Variants in COBLL1 observed in about 807,000 individuals in gnomAD.
COBLL1 encodes cordon-bleu WH2 repeat protein like 1, also known as cordon-bleu protein-like 1.
Under a neutral mutation model 94.8 loss-of-function variants are expected in COBLL1, and 50 were observed. The ratio of observed to expected loss-of-function variants is 0.53; its 90% CI spans 0.42 to 0.67. The LOEUF is 0.67. COBLL1 is among the 30% of genes least tolerant of loss of function. The pLI, the probability that COBLL1 is intolerant of heterozygous loss-of-function variation, is 0.00. For synonymous variants in COBLL1, 448 were observed against 473.8 expected, an observed-to-expected ratio of 0.95 and a Z score of 0.71; for missense variants, 1,362 against 1,348.7, an observed-to-expected ratio of 1.01 and a Z score of -0.15.
intron 2 of COBLL1, among the ~76,000 whole-genome samples, chr2:164,804,546 G>T (rs1384070228): frequency 6.6e-6 from 1 of 151,842 alleles, no homozygotes; most frequent in African/African-American, 2.4e-5. Context: ...TGCTTTTGGG[G>T]GCTCAATTCT....
intron 5 of COBLL1, chr2:164,723,053 C>T (rs1160823310): frequency 6.6e-6 from 1 of 152,112 alleles, no homozygotes; most frequent in Non-Finnish European, 1.5e-5. Flanking sequence ...CCAATTTTGT[C>T]CCCCAGAGGA....
At chr2:164,768,500 G>A (rs949371693) in intron 2 of COBLL1, among the ~76,000 whole-genome samples, 6 of 151,758 alleles carry the variant, frequency 4.0e-5, no homozygotes, top group African/African-American at 1.5e-4. Context: ...TGTGGCCCAC[G>A]AAAGCCAAAA....
At chr2:164,810,888 A>T (rs1684427629) in intron 2 of COBLL1, among the ~76,000 whole-genome samples, 1 of 151,996 alleles carries the variant, frequency 6.6e-6, no homozygotes, top group African/African-American at 2.4e-5. Context: ...TTGAACAGAA[A>T]TTGCTTAACT....
chr2:164,805,319 C>CTATA (rs1684048026), intron 2 of COBLL1, among the ~76,000 whole-genome samples: 2 of 35,958 alleles, frequency 5.6e-5, no homozygotes, highest in African/African-American at 1.1e-4. Flanking sequence ...CTCTCTCTCT[C>CTATA]TCTCTCTCTC....
At chr2:164,785,289 C>T (rs547104274) in intron 2 of COBLL1, among the ~76,000 whole-genome samples, 4 of 152,052 alleles carry the variant, frequency 2.6e-5, no homozygotes, top group African/African-American at 7.2e-5. Context: ...CTGGGGAGGC[C>T]GAGGCACAAG....
At chr2:164,706,565 CATG>C (rs1399370105) in intron 7 of COBLL1, among the ~76,000 whole-genome samples, 3 of 152,220 alleles carry the variant, frequency 2.0e-5, no homozygotes, top group Non-Finnish European at 4.4e-5. Flanking sequence ...AAACTGAGAT[CATG>C]ATGATTCCTC....
intron 2 of COBLL1, among the ~76,000 whole-genome samples, chr2:164,811,163 T>A (rs1684438575): frequency 1.3e-5 from 2 of 151,922 alleles, no homozygotes; most frequent in South Asian, 4.1e-4. Flanking sequence ...AAGACACACC[T>A]TAAAACTATT....
rs201428424 is a variant in COBLL1, at chr2:164,695,039, T to G, written c.2353A>C (p.Ile785Leu). The change falls in exon 12 of 14, where the codon ATT (isoleucine) becomes CTT (leucine). Residue 785 changes from isoleucine to leucine, a missense_variant. Transcript: ENST00000652658. ...ETAIQTEDSAISESPEEPLPN... is the reference protein window; with the variant it reads ...ETAIQTEDSALSESPEEPLPN... ...AGTGGCTCTTCTGGGCTTTCAGAAA[T>G]AGCAGAATCTTCTGTTTGGATGGCA... The G allele has an allele frequency of 1.2e-6, 2 of 1,613,890 alleles. No individual in the cohort carries two copies. The highest frequency in any genetic ancestry group is 4.5e-5 in the East Asian group (2 of 44,864).
chr2:164,691,200 G>A (rs1004871882), intron 13 of COBLL1, among the ~76,000 whole-genome samples: 3 of 152,072 alleles, frequency 2.0e-5, no homozygotes, highest in Non-Finnish European at 4.4e-5. Context: ...ACACACCAAG[G>A]AAGTTGGCTT....
rs1310101990 is a variant in COBLL1 at position 164,700,577 on chromosome 2, C to T, written c.1405G>A (p.Glu469Lys). Residue 469 changes from glutamate to lysine, a missense_variant, in exon 10 of 14, where the codon GAG becomes AAG. Coordinates refer to ENST00000652658, the MANE Select transcript of COBLL1 (RefSeq NM_001365672.2). ...TCTTCCATGGAGTTTTGTGAGAACT[C>T]TCCACTACCATTGCCAAGGGCTGAG... is the stretch of plus-strand genomic sequence containing the variant. ...PDSALGNGSG[E>K]FSQNSMEEKQ... 6.2e-7 allele frequency: 1 copy of T among 1,613,878 alleles called. No individual in the cohort carries two copies. The highest frequency in any genetic ancestry group is 8.5e-7 in the Non-Finnish European group (1 of 1,179,852).
At chr2:164,718,320 CT>C in intron 7 of COBLL1, 1 of 842,886 alleles carries the variant, frequency 1.2e-6, no homozygotes, top group Non-Finnish European at 1.4e-6. Flanking sequence ...TAAAGTTTAT[CT>C]TTAGAGGATG....
At chr2:164,680,149 T>A (rs1365021571), downstream of COBLL1, 1 of 152,018 alleles carries the variant, frequency 6.6e-6, no homozygotes, top group Non-Finnish European at 1.5e-5. Flanking sequence ...AAATTAAATG[T>A]CTTTATCCAT....
intron 7 of COBLL1, among the ~76,000 whole-genome samples, chr2:164,710,560 AG>A (rs890353867): frequency 1.5e-5 from 2 of 129,960 alleles, no homozygotes; most frequent in Non-Finnish European, 3.2e-5. Context: ...CCTAAGCAGC[AG>A]CATTCTTTTT....
In COBLL1 at chr2:164,694,269, C is replaced by A; in HGVS notation, c.3123G>T (p.Lys1041Asn). Reference sequence around the variant, plus strand: ...TTATTTTTAAAAAGGCTACAGTTACCTTATCAGACACACCAAGCTGTGGGA... The same window carrying A: ...TTATTTTTAAAAAGGCTACAGTTACATTATCAGACACACCAAGCTGTGGGA... ...VDIPQLGVSD[K>N]ENNSAHNEQN... is the part of the protein sequence containing the mutation. The change falls in exon 12 of 14, where the codon AAG becomes AAT. Residue 1041 changes from lysine (K) to asparagine (N), a missense_variant and splice_region_variant. By Grantham distance (94) the Lys-to-Asn change is moderately conservative. Coordinates refer to ENST00000652658, the MANE Select transcript of COBLL1 (RefSeq NM_001365672.2). 6.2e-7 allele frequency: 1 copy of A among 1,611,056 alleles called. No individual in the cohort carries two copies. Among genetic ancestry groups the A allele is most frequent in the Non-Finnish European group, 8.5e-7 (1 of 1,178,556 alleles).
intron 2 of COBLL1, among the ~76,000 whole-genome samples, chr2:164,773,280 A>G (rs948908751): frequency 1.3e-5 from 2 of 152,142 alleles, no homozygotes; most frequent in Admixed American, 6.6e-5. Flanking sequence ...TAGCGTGATT[A>G]TCATATTGTT....
Position 164,680,246 on chromosome 2 carries a change from G to T in COBLL1, c.*5700C>A, listed in dbSNP as rs888758847. ...ATTATAATTTCAAACATGCAGACAA[G>T]TTAAAAATCATGTACAATATAACCC... is the stretch of plus-strand genomic sequence containing the variant. On this transcript the variant is annotated 3_prime_UTR_variant, in exon 14 of 14. Coordinates refer to ENST00000652658, the MANE Select transcript of COBLL1 (RefSeq NM_001365672.2). The T allele has an allele frequency of 6.6e-6, 1 of 151,976 alleles. No individual in the cohort carries two copies. Among genetic ancestry groups the T allele is most frequent in the Non-Finnish European group, 1.5e-5 (1 of 67,968 alleles). 9.4% of individuals were successfully genotyped at this position (151,976 alleles called of 1,614,324 possible).
downstream of COBLL1, among the ~76,000 whole-genome samples, chr2:164,679,839 G>C (rs1682961356): frequency 6.6e-6 from 1 of 151,796 alleles, no homozygotes; most frequent in Admixed American, 6.6e-5. Flanking sequence ...TAATGTAGAC[G>C]ATGGGTTGAT....
intron 9 of COBLL1, chr2:164,703,246 A>G: frequency 6.7e-7 from 1 of 1,500,460 alleles, no homozygotes. Flanking sequence ...AATCTGTAGA[A>G]ATGGCACTTA....
intron 2 of COBLL1, among the ~76,000 whole-genome samples, chr2:164,816,839 G>A (rs1488796808): frequency 6.6e-6 from 1 of 152,104 alleles, no homozygotes; most frequent in Non-Finnish European, 1.5e-5. Context: ...CAACAGCCAA[G>A]GTCTCAAGGC....
Sources: gnomAD v4.1 joint callset for allele counts (sites outside exome capture counted in the v4.1 genomes callset) on GRCh38, gnomAD v4.1.1 for gene constraint, MANE v1.5 for transcripts, NCBI Gene and HGNC (gene_info 2026-07-23, HGNC 2026-07-21) for gene names.